RAB28: variants seen among roughly 807,000 people sequenced by gnomAD.
RAB28 encodes the protein ras-related protein Rab-28.
RAB28 carries 24 observed loss-of-function variants against 31.7 expected under a neutral mutation model. The observed-to-expected ratio is 0.76, with a 90% confidence interval of 0.55 to 1.06. The LOEUF is 1.06. RAB28 is among the 50% of genes least tolerant of loss of function. The pLI is 0.00. For synonymous variants in RAB28, 100 were observed against 90.4 expected, an observed-to-expected ratio of 1.11 and a Z score of -0.60; for missense variants, 254 against 258.5, an observed-to-expected ratio of 0.98 and a Z score of 0.12.
At chr4:13,421,696 A>G (rs1269208320) in intron 4 of RAB28, among the ~76,000 whole-genome samples, 1 of 152,242 alleles carries the variant, frequency 6.6e-6, no homozygotes, top group Non-Finnish European at 1.5e-5. Context: ...CTGGTTAGCC[A>G]TATGTAGAAA....
At chr4:13,370,106 G>A (rs1459992565) in intron 6 of RAB28, 6 of 1,413,934 alleles carry the variant, frequency 4.2e-6, no homozygotes, top group Non-Finnish European at 5.5e-6. Flanking sequence ...ATGTAAACAT[G>A]TCTCACACAC....
At chr4:13,395,622 G>A (rs908640111) in intron 4 of RAB28, among the ~76,000 whole-genome samples, 2 of 151,288 alleles carry the variant, frequency 1.3e-5, no homozygotes, top group African/African-American at 2.4e-5. Context: ...TATGACTACT[G>A]ATAACAAGGG....
intron 4 of RAB28, among the ~76,000 whole-genome samples, chr4:13,403,007 C>G (rs1711861384): frequency 6.6e-6 from 1 of 152,122 alleles, no homozygotes; most frequent in Non-Finnish European, 1.5e-5. Context: ...GTGGCCTTGG[C>G]TGATCTCGAA....
At chr4:13,449,479 A>G (rs1457941341) in intron 4 of RAB28, among the ~76,000 whole-genome samples, 2 of 151,948 alleles carry the variant, frequency 1.3e-5, no homozygotes, top group African/African-American at 2.4e-5. Flanking sequence ...TTACTAATAC[A>G]TTTTCACTGA....
At chr4:13,478,527 C>G (rs893034730) in intron 2 of RAB28, among the ~76,000 whole-genome samples, 1 of 151,500 alleles carries the variant, frequency 6.6e-6, no homozygotes, top group African/African-American at 2.4e-5. Context: ...TAACATATTT[C>G]AATAATAATT....
intron 4 of RAB28, among the ~76,000 whole-genome samples, chr4:13,406,847 TG>T (rs776331008): frequency 3.4e-4 from 51 of 152,218 alleles, no homozygotes; most frequent in African/African-American, 1.2e-3. Flanking sequence ...TTGATGGGGT[TG>T]TTTTTTTCTT....
Position 13,484,330 on chromosome 4 carries a change from C to G in RAB28, c.-180G>C, listed in dbSNP as rs1378092347. 1.7e-6 allele frequency: 1 copy of G among 571,774 alleles called. No individual in the cohort carries two copies. 35.4% of individuals were successfully genotyped at this position (571,774 alleles called of 1,614,324 possible). ...GGCAAGCGCCATCTTGCCCACCTCC[C>G]CGCCCTCTGCGCGCGGCCCCGCCCC... On this transcript the variant is annotated 5_prime_UTR_variant, in exon 1 of 7. Coordinates refer to ENST00000330852, the MANE Select transcript of RAB28 (RefSeq NM_001017979.3).
rs535098681 is a variant in RAB28, at chr4:13,473,454, G to A, written c.261+864C>T. On this transcript the variant is annotated intron_variant, in intron 3 of 6. Coordinates refer to ENST00000330852, the MANE Select transcript of RAB28 (RefSeq NM_001017979.3). ...AGTAAGCACAACCTACTTAATATTC[G>A]GCTATATACCATATTCTCTACTTCA... Among the ~76,000 whole-genome samples, 5 of 151,740 alleles carry A rather than the reference G, an allele frequency of 3.3e-5. No homozygotes were observed. In the East Asian group the frequency reaches 7.8e-4, roughly 24 times the overall value.
At chr4:13,423,630 T>C (rs937871691) in intron 4 of RAB28, among the ~76,000 whole-genome samples, 3 of 152,162 alleles carry the variant, frequency 2.0e-5, no homozygotes, top group African/African-American at 7.2e-5. Context: ...GCTTCTACAC[T>C]ACAATGGGAC....
At chr4:13,439,362 T>G (rs1029552600) in intron 4 of RAB28, among the ~76,000 whole-genome samples, 1 of 152,150 alleles carries the variant, frequency 6.6e-6, no homozygotes, top group Non-Finnish European at 1.5e-5. Context: ...ATTGGTTTTG[T>G]TTTTGTTTTT....
intron 4 of RAB28, among the ~76,000 whole-genome samples, chr4:13,441,678 T>C (rs1013369997): frequency 6.6e-6 from 1 of 152,228 alleles, no homozygotes; most frequent in Non-Finnish European, 1.5e-5. Flanking sequence ...ATTTGCTTTA[T>C]GGATGGCTAA....
At chr4:13,469,198 T>C (rs1024930805) in intron 3 of RAB28, among the ~76,000 whole-genome samples, 2 of 152,002 alleles carry the variant, frequency 1.3e-5, no homozygotes, top group South Asian at 2.1e-4. Flanking sequence ...TCCTCAAACA[T>C]GGAATATATC....
At chr4:13,430,448 T>C (rs566320448) in intron 4 of RAB28, among the ~76,000 whole-genome samples, 26 of 152,188 alleles carry the variant, frequency 1.7e-4, no homozygotes, top group Non-Finnish European at 3.1e-4. Context: ...GCTTCTCCAC[T>C]CCCCTCACCT....
At chr4:13,477,767 TAA>T (rs1028371072) in intron 2 of RAB28, among the ~76,000 whole-genome samples, 18 of 151,516 alleles carry the variant, frequency 1.2e-4, no homozygotes, top group Non-Finnish European at 2.5e-4. Flanking sequence ...ACCTAATTAC[TAA>T]GTCTAAAATA....
chr4:13,454,254 GT>G (rs1715165869), intron 4 of RAB28, among the ~76,000 whole-genome samples: 1 of 151,916 alleles, frequency 6.6e-6, no homozygotes, highest in African/African-American at 2.4e-5. Context: ...TCCTGATTTT[GT>G]TGAATTTTCT....
At chr4:13,445,908 G>C (rs780096408) in intron 4 of RAB28, among the ~76,000 whole-genome samples, 33 of 152,118 alleles carry the variant, frequency 2.2e-4, no homozygotes, top group Non-Finnish European at 4.7e-4. Context: ...CCCTTGTCAG[G>C]ATCAGCCACT....
Position 13,368,587 on chromosome 4 carries a change from G to C in RAB28, c.637C>G (p.Pro213Ala). The change falls in exon 7 of 7, where the codon CCT becomes GCT. Residue 213 changes from proline to alanine, a missense_variant. By Grantham distance (27) the Pro-to-Ala change is conservative. Coordinates refer to ENST00000330852, the MANE Select transcript of RAB28 (RefSeq NM_001017979.3). ...TGAACTGCACACATAGAGCTTCTAG[G>C]AGGGTTAACAGTCCTTGACATAGGT... The part of the protein sequence containing the change: ...QEPMSRTVNP[P>A]RSSMCAVQ 1 of 1,612,330 alleles carries C rather than the reference G, an allele frequency of 6.2e-7. No homozygotes were observed. Among genetic ancestry groups the C allele is most frequent in the Non-Finnish European group, 8.5e-7 (1 of 1,179,050 alleles).
chr4:13,376,943 A>C (rs1728946519), intron 5 of RAB28, among the ~76,000 whole-genome samples: 1 of 151,992 alleles, frequency 6.6e-6, no homozygotes, highest in East Asian at 1.9e-4. Context: ...TACTATAAAA[A>C]CTCCCATAAT....
At chr4:13,379,268 T>C (rs1729041653) in intron 5 of RAB28, among the ~76,000 whole-genome samples, 1 of 144,480 alleles carries the variant, frequency 6.9e-6, no homozygotes, top group African/African-American at 2.6e-5. Context: ...ACTAGGGATA[T>C]AGAGCATAAT....
Sources: gnomAD v4.1 joint callset for allele counts (sites outside exome capture counted in the v4.1 genomes callset) on GRCh38, gnomAD v4.1.1 for gene constraint, MANE v1.5 for transcripts, NCBI Gene and HGNC (gene_info 2026-07-23, HGNC 2026-07-21) for gene names.